Variants in MTSS1 observed in about 807,000 individuals in gnomAD.
MTSS1 encodes MTSS I-BAR domain containing 1, also known as protein MTSS 1.
Under a neutral mutation model 79.0 loss-of-function variants are expected in MTSS1, and 18 were observed. The observed-to-expected ratio is 0.23, with a 90% CI of 0.16 to 0.34. MTSS1 has a LOEUF of 0.34. MTSS1 is among the 10% of genes least tolerant of loss of function. The pLI is 1.00. For missense variants in MTSS1, 815 were observed against 986.2 expected, an observed-to-expected ratio of 0.83 and a Z score of 2.33; for synonymous variants, 341 against 368.6, an observed-to-expected ratio of 0.93 and a Z score of 0.86.
At chr8:124,615,620 G>A (rs964553684) in intron 3 of MTSS1, among the ~76,000 whole-genome samples, 4 of 152,130 alleles carry the variant, frequency 2.6e-5, no homozygotes, top group African/African-American at 9.7e-5. Flanking sequence ...TTTTGCAAGA[G>A]GAAAAAGTCC....
In MTSS1 at chr8:124,556,409, T is replaced by C. The variant is rs753299348; in HGVS notation, c.1231-4A>G. The C allele has an allele frequency of 8.1e-6, 13 of 1,606,434 alleles. No homozygotes were observed. The highest frequency in any genetic ancestry group is 2.2e-5 in the East Asian group (1 of 44,804). Reference sequence around the variant, plus strand: ...AGGGCCCAGGCTTAGCCCAGTCCTATGCAAAACAAGTGCGGTCAGGAGCCA... The same window carrying C: ...AGGGCCCAGGCTTAGCCCAGTCCTACGCAAAACAAGTGCGGTCAGGAGCCA... On this transcript the variant is annotated splice_region_variant and splice_polypyrimidine_tract_variant and intron_variant, in intron 11 of 13. Transcript: ENST00000518547.
At chr8:124,659,799 C>T (rs1281397281) in intron 3 of MTSS1, among the ~76,000 whole-genome samples, 1 of 152,212 alleles carries the variant, frequency 6.6e-6, no homozygotes, top group Non-Finnish European at 1.5e-5. Context: ...AAGATAGCAA[C>T]AAATGCAGTG....
chr8:124,562,833 A>G lies in MTSS1; in HGVS notation c.984T>C (p.Asp328=), dbSNP rs1176348943. Residue 328 remains aspartate, a synonymous_variant, in exon 10 of 14, where the codon GAT becomes GAC. Transcript: ENST00000518547. ...GGGATGGTGACTTGGACTGGAAGGCATCCTGGGATATGAATCCTGAGTCAT... is the reference window on the plus strand; with the variant it reads ...GGGATGGTGACTTGGACTGGAAGGCGTCCTGGGATATGAATCCTGAGTCAT... ...SSHDSGFISQ[D]AFQSKSPSPM... is the part of the protein sequence containing the mutation. 4.3e-6 allele frequency: 7 copies of G among 1,614,056 alleles called. No individual in the cohort carries two copies. The African/African-American group carries it at 9.3e-5, about 22-fold the overall frequency.
chr8:124,575,780 G>A (rs772242276), intron 6 of MTSS1, among the ~76,000 whole-genome samples: 1 of 152,142 alleles, frequency 6.6e-6, no homozygotes, highest in African/African-American at 2.4e-5. Context: ...ACTAGAAAAC[G>A]TCCCAGGCCA....
In MTSS1 at chr8:124,676,628, A is replaced by G. The variant is rs796829890; in HGVS notation, c.208+22898T>C. On this transcript the variant is annotated intron_variant, in intron 3 of 13. Coordinates refer to ENST00000518547, the MANE Select transcript of MTSS1 (RefSeq NM_014751.6). Reference sequence around the variant, plus strand: ...CATCAATATTGTCACTGCTTCCAAGACAACTTCTCAGCAAAACAAAGAGTC... The same window carrying G: ...CATCAATATTGTCACTGCTTCCAAGGCAACTTCTCAGCAAAACAAAGAGTC... Among the ~76,000 whole-genome samples, 7 of 152,356 alleles carry G rather than the reference A, an allele frequency of 4.6e-5. No homozygotes were observed. The East Asian group carries it at 1.3e-3, about 29-fold the overall frequency.
chr8:124,590,789 C>T (rs1319044274), intron 4 of MTSS1, among the ~76,000 whole-genome samples: 1 of 152,188 alleles, frequency 6.6e-6, no homozygotes. Flanking sequence ...ACACAGGATA[C>T]CAAGGCACAT....
At chr8:124,673,977 G>T (rs1383311569) in intron 3 of MTSS1, among the ~76,000 whole-genome samples, 2 of 152,194 alleles carry the variant, frequency 1.3e-5, no homozygotes, top group East Asian at 3.9e-4. Context: ...CAGGAGACAG[G>T]GTCAATGATC....
At chr8:124,684,731 T>C (rs866338656) in intron 3 of MTSS1, among the ~76,000 whole-genome samples, 1 of 152,216 alleles carries the variant, frequency 6.6e-6, no homozygotes, top group Non-Finnish European at 1.5e-5. Flanking sequence ...AAAGTTAGGT[T>C]TGGTTTAAGA....
At chr8:124,680,346 G>A (rs1326569001) in intron 3 of MTSS1, among the ~76,000 whole-genome samples, 2 of 152,188 alleles carry the variant, frequency 1.3e-5, no homozygotes, top group East Asian at 1.9e-4. Flanking sequence ...TCATCCGAAC[G>A]GGGTCCTCAT....
chr8:124,685,883 G>C (rs1253581010), intron 3 of MTSS1, among the ~76,000 whole-genome samples: 4 of 152,284 alleles, frequency 2.6e-5, no homozygotes, highest in Admixed American at 2.6e-4. Flanking sequence ...AGACAAGTGG[G>C]AGGGGACAGG....
chr8:124,678,384 C>T (rs1825641268), intron 3 of MTSS1, among the ~76,000 whole-genome samples: 1 of 152,096 alleles, frequency 6.6e-6, no homozygotes, highest in Admixed American at 6.6e-5. Context: ...TGTATTAGTC[C>T]ATTTTCATAC....
chr8:124,701,094 G>A (rs1030801639), intron 2 of MTSS1, among the ~76,000 whole-genome samples: 1 of 151,982 alleles, frequency 6.6e-6, no homozygotes, highest in African/African-American at 2.4e-5. Context: ...TAAATTAGCC[G>A]GGCACAGTGG....
intron 3 of MTSS1, among the ~76,000 whole-genome samples, chr8:124,669,740 A>G (rs772776045): frequency 8.5e-5 from 13 of 152,242 alleles, no homozygotes; most frequent in Admixed American, 5.2e-4. Context: ...TGCTGGTTTC[A>G]TTTGGCTAAG....
chr8:124,552,907 T>TTTTA lies in MTSS1; in HGVS notation c.*81_*84dup. The TTTTA allele has an allele frequency of 7.2e-7, 1 of 1,385,900 alleles. No individual in the cohort carries two copies. The highest frequency in any genetic ancestry group is 9.8e-7 in the Non-Finnish European group (1 of 1,016,602). 85.9% of individuals were successfully genotyped at this position (1,385,900 alleles called of 1,614,324 possible). A position where few individuals can be genotyped will look rare whatever the true frequency, so the allele number is the denominator to read the frequency against. On this transcript the variant is annotated 3_prime_UTR_variant, in exon 14 of 14. Transcript: ENST00000518547. ...TCCGAGTTGCCTACAAAATCTTTTG[T>TTTTA]TTTATTATAGAGTGGAATGGATCAA...
intron 3 of MTSS1, chr8:124,673,623 G>A (rs1200216952): frequency 1.3e-5 from 2 of 152,172 alleles, no homozygotes; most frequent in African/African-American, 4.8e-5. Flanking sequence ...AAGCAGCACA[G>A]ATGGGCCGCG....
At chr8:124,671,153 C>T (rs1359961585) in intron 3 of MTSS1, among the ~76,000 whole-genome samples, 1 of 152,072 alleles carries the variant, frequency 6.6e-6, no homozygotes, top group African/African-American at 2.4e-5. Flanking sequence ...CCACATCCAC[C>T]ATGACAGGCT....
chr8:124,658,968 C>T (rs1307923809), intron 3 of MTSS1, among the ~76,000 whole-genome samples: 1 of 152,164 alleles, frequency 6.6e-6, no homozygotes, highest in Non-Finnish European at 1.5e-5. Context: ...CTTTTAGGAG[C>T]CTCAACTAAT....
At chr8:124,569,005 C>T in intron 6 of MTSS1, among the ~76,000 whole-genome samples, 1 of 152,226 alleles carries the variant, frequency 6.6e-6, no homozygotes, top group East Asian at 1.9e-4. Context: ...ATAGAAGGAT[C>T]TGCTCCTAAA....
chr8:124,560,246 T>G (rs1824991869), intron 10 of MTSS1, among the ~76,000 whole-genome samples: 1 of 152,186 alleles, frequency 6.6e-6, no homozygotes. Flanking sequence ...AACAGCCAGA[T>G]GTGGTGGCTC....
Sources: gnomAD v4.1 joint callset for allele counts (sites outside exome capture counted in the v4.1 genomes callset) on GRCh38, gnomAD v4.1.1 for gene constraint, MANE v1.5 for transcripts, NCBI Gene and HGNC (gene_info 2026-07-23, HGNC 2026-07-21) for gene names.